NAGPA: variants seen among roughly 807,000 people sequenced by gnomAD.
NAGPA encodes the protein N-acetylglucosamine-1-phosphodiester alpha-N-acetylglucosaminidase.
NAGPA carries 56 observed loss-of-function variants against 48.5 expected under a neutral mutation model. That is an observed-to-expected ratio of 1.15 (90% CI 0.93 to 1.44). NAGPA has a LOEUF of 1.44. Ranked by LOEUF, NAGPA falls within the 40% of genes most tolerant of loss-of-function variation. The pLI, the probability that NAGPA is intolerant of heterozygous loss-of-function variation, is 0.00. For synonymous variants in NAGPA, 399 were observed against 315.5 expected (o/e 1.26, Z -2.81); for missense variants, 888 against 735.0 (o/e 1.21, Z -2.41).
Position 5,033,515 on chromosome 16 carries a change from G to A in NAGPA, c.300C>T (p.Pro100=), listed in dbSNP as rs1280918922. The part of the protein sequence containing the change: ...VAGHLTRAVE[P]LRTFSVLEPG... ...GCTCCAGCACCGAGAAGGTGCGCAG[G>A]GGCTCAACGGCCCGCGTCAGGTGGC... Residue 100 remains proline (P), a synonymous_variant, in exon 2 of 10, where the codon CCC becomes CCT. Coordinates refer to ENST00000312251, the MANE Select transcript of NAGPA (RefSeq NM_016256.4). This position sits in a 1 kb window ranked among gnomAD's most constrained non-coding sequence, Gnocchi z 4.2. The A allele has an allele frequency of 2.0e-6, 3 of 1,527,894 alleles. No individual in the cohort carries two copies. The highest frequency in any genetic ancestry group is 2.6e-6 in the Non-Finnish European group (3 of 1,146,906). 94.6% of individuals were successfully genotyped at this position (1,527,894 alleles called of 1,614,324 possible).
intron 7 of NAGPA, 122 bp downstream of exon 7, chr16:5,027,724 G>T: frequency 7.1e-7 from 1 of 1,405,906 alleles, no homozygotes; most frequent in Non-Finnish European, 9.7e-7. Context: ...GGTGAGGCCG[G>T]GGCAGAAGAC....
chr16:5,032,099 C>G (rs1437536822), intron 2 of NAGPA, among the ~76,000 whole-genome samples: 1 of 152,124 alleles, frequency 6.6e-6, no homozygotes, highest in Non-Finnish European at 1.5e-5. Flanking sequence ...ATACAATCCC[C>G]ACAAGCCTTT....
chr16:5,028,725 G>C (rs1956048259), intron 5 of NAGPA, 155 bp downstream of exon 5: 2 of 1,162,478 alleles, frequency 1.7e-6, no homozygotes, highest in East Asian at 4.7e-5. Flanking sequence ...CTAGGCCTGG[G>C]TAGTACTGGC....
At chr16:5,032,010 G>T in intron 2 of NAGPA, 126 bp from the exon 3 acceptor site, 1 of 1,296,854 alleles carries the variant, frequency 7.7e-7, no homozygotes, top group African/African-American at 1.5e-5. Flanking sequence ...ACCTCCTGGG[G>T]CCTGAGTGTA....
Position 5,025,046 on chromosome 16 carries a change from C to T in NAGPA, c.*432G>A, listed in dbSNP as rs1052608637. The T allele has an allele frequency of 4.7e-6, 1 of 211,978 alleles. No homozygotes were observed. The highest frequency in any genetic ancestry group is 9.6e-6 in the Non-Finnish European group (1 of 103,650). 13.1% of individuals were successfully genotyped at this position (211,978 alleles called of 1,614,324 possible). A position where few individuals can be genotyped will look rare whatever the true frequency, so the allele number is the denominator to read the frequency against. ...TGATGAGGTCTGTAGAAAAGGGGTC[C>T]CGTGTCACAGCCAGGAAGGCAGACT... On this transcript the variant is annotated 3_prime_UTR_variant, in exon 10 of 10. Coordinates refer to ENST00000312251, the MANE Select transcript of NAGPA (RefSeq NM_016256.4).
intron 2 of NAGPA, among the ~76,000 whole-genome samples, chr16:5,032,552 G>A (rs533462075): frequency 4.7e-4 from 71 of 151,432 alleles, no homozygotes; most frequent in African/African-American, 1.6e-3. Flanking sequence ...GGTGGCACAC[G>A]TCCGTAGTCC....
At chr16:5,031,577 A>T in intron 3 of NAGPA, 168 bp downstream of exon 3, 2 of 867,924 alleles carry the variant, frequency 2.3e-6, no homozygotes, top group Admixed American at 1.9e-5. Context: ...TTTTTGTCCT[A>T]TATATTCAAT....
Position 5,031,811 on chromosome 16 carries a change from T to G in NAGPA, c.616A>C (p.Ile206Leu), listed in dbSNP as rs772564903. 3.4e-5 allele frequency: 55 copies of G among 1,614,156 alleles called. No homozygotes were observed. Among genetic ancestry groups the G allele is most frequent in the Non-Finnish European group, 4.5e-5 (53 of 1,180,030 alleles). Residue 206 changes from isoleucine to leucine, a missense_variant, in exon 3 of 10, where the codon ATT (isoleucine) becomes CTT (leucine). Ile to Leu is a conservative substitution (Grantham distance 5, BLOSUM62 2). Coordinates refer to ENST00000312251, the MANE Select transcript of NAGPA (RefSeq NM_016256.4). ...VQLLSGVVWL[I>L]RNGSIYINES... ...TTGATGTAGATGCTTCCATTACGAA[T>G]CAGCCACACGACCCCACTCAGCAGC...
intron 3 of NAGPA, 95 bp downstream of exon 3, chr16:5,031,650 T>C: frequency 6.5e-7 from 1 of 1,536,342 alleles, no homozygotes; most frequent in Non-Finnish European, 9.0e-7. Context: ...ACAAAGTAGC[T>C]GCTCAATACT....
At chr16:5,032,951 G>A in intron 2 of NAGPA, 1 of 467,968 alleles carries the variant, frequency 2.1e-6, no homozygotes, top group African/African-American at 2.0e-5. Context: ...TGGTTGCTTT[G>A]CTGCACACAC....
intron 5 of NAGPA, 33 bp from the exon 6 acceptor site, chr16:5,028,218 A>AC (rs1956039264): frequency 6.6e-7 from 1 of 1,506,062 alleles, no homozygotes; most frequent in Non-Finnish European, 9.0e-7. Flanking sequence ...AGGAGAGGAC[A>AC]CCCCCAGACG....
chr16:5,028,195 G>T lies in NAGPA; in HGVS notation c.921-10C>A, dbSNP rs1333692442. ...CCACATGTTGTCCTGGCTGTAGAGG[G>T]ATGTGATGTGTGAGGAGAGGACACC... is the stretch of plus-strand genomic sequence containing the variant. On this transcript the variant is annotated splice_polypyrimidine_tract_variant and intron_variant, in intron 5 of 9. Transcript: ENST00000312251. 1.3e-6 allele frequency: 2 copies of T among 1,554,210 alleles called. No homozygotes were observed. The highest frequency in any genetic ancestry group is 1.2e-5 in the South Asian group (1 of 84,444).
At position 5,033,678 on chromosome 16, in the gene NAGPA, C is replaced by G; in HGVS notation, c.137G>C (p.Arg46Pro). 2 of 1,515,412 alleles carry G rather than the reference C, an allele frequency of 1.3e-6. No homozygotes were observed. The highest frequency in any genetic ancestry group is 1.4e-5 in the African/African-American group (1 of 72,236). 93.9% of individuals were successfully genotyped at this position (1,515,412 alleles called of 1,614,324 possible). A position where few individuals can be genotyped will look rare whatever the true frequency, so the allele number is the denominator to read the frequency against. Residue 46 changes from arginine to proline, a missense_variant, in exon 2 of 10, where the codon CGC becomes CCC. Physicochemically the swap from Arg to Pro is moderately radical, Grantham distance 103. Coordinates refer to ENST00000312251, the MANE Select transcript of NAGPA (RefSeq NM_016256.4). This position sits in a 1 kb window ranked among gnomAD's most constrained non-coding sequence, Gnocchi z 4.2. The part of the protein sequence containing the change: ...LLLPYPRARA[R>P]LPRDCTRVRA... ...CACCCGTGTGCAGTCCCGGGGGAGG[C>G]GCGCGCGCGCGCGTGGATAGGGCAG...
At chr16:5,028,641 T>G in intron 5 of NAGPA, 2 of 547,154 alleles carry the variant, frequency 3.7e-6, no homozygotes, top group Non-Finnish European at 6.5e-6. Flanking sequence ...CCCACCCAGC[T>G]ACCACCTCCT....
At chr16:5,028,682 A>C in intron 5 of NAGPA, 198 bp downstream of exon 5, 1 of 779,070 alleles carries the variant, frequency 1.3e-6, no homozygotes, top group South Asian at 1.5e-5. Flanking sequence ...TGTCATCCTC[A>C]GGGAGGTCTT....
rs1956150351 is a variant in NAGPA at position 5,033,727 on chromosome 16, C to T, written c.88G>A (p.Ala30Thr). The T allele has an allele frequency of 6.2e-7, 1 of 1,603,404 alleles. No individual in the cohort carries two copies. Among genetic ancestry groups the T allele is most frequent in the East Asian group, 2.2e-5 (1 of 44,650 alleles). ...WEASGGLDSG[A>T]SRDDDLLLPY... ...AGTAGCAAGTCGTCGTCGCGGGAGGCCCTGCGGGGACGGGCGGCCGTGAGC... is the reference window on the plus strand; with the variant it reads ...AGTAGCAAGTCGTCGTCGCGGGAGGTCCTGCGGGGACGGGCGGCCGTGAGC... Residue 30 changes from alanine to threonine, a missense_variant and splice_region_variant, in exon 2 of 10, where the codon GCC (alanine) becomes ACC (threonine). Physicochemically the swap from Ala to Thr is moderately conservative, Grantham distance 58 (BLOSUM62 0). Transcript: ENST00000312251. The surrounding 1 kb of genome is among the most constrained non-coding windows in gnomAD (Gnocchi z 4.2).
At chr16:5,031,526 C>A (rs962651237) in intron 3 of NAGPA, 2 of 621,640 alleles carry the variant, frequency 3.2e-6, no homozygotes, top group South Asian at 3.7e-5. Context: ...ATTTTTGTTT[C>A]TGAGCACTTA....
Position 5,033,908 on chromosome 16 carries a change from T to C in NAGPA, c.7A>G (p.Thr3Ala). ...AGGAGAAGCCAGCGACCCGTGGAGGTCGCCATATTGGACCGGGGCCTCGGG... is the reference window on the plus strand; with the variant it reads ...AGGAGAAGCCAGCGACCCGTGGAGGCCGCCATATTGGACCGGGGCCTCGGG... MA[T>A]STGRWLLLRL... The change falls in exon 1 of 10, where the codon ACC becomes GCC. Residue 3 changes from threonine to alanine, a missense_variant. Coordinates refer to ENST00000312251, the MANE Select transcript of NAGPA (RefSeq NM_016256.4). The surrounding 1 kb of genome is among the most constrained non-coding windows in gnomAD (Gnocchi z 4.2). The C allele has an allele frequency of 1.9e-6, 3 of 1,549,014 alleles. No homozygotes were observed. Among genetic ancestry groups the C allele is most frequent in the East Asian group, 2.4e-5 (1 of 40,916 alleles).
At chr16:5,031,981 T>C in intron 2 of NAGPA, 97 bp from the exon 3 acceptor site, 2 of 1,550,300 alleles carry the variant, frequency 1.3e-6, no homozygotes, top group African/African-American at 2.7e-5. Flanking sequence ...GCTGCTAGAT[T>C]CCCCCTCATG....
Sources: allele counts gnomAD v4.1 joint callset (sites outside exome capture counted in the v4.1 genomes callset), GRCh38; gene constraint gnomAD v4.1.1; non-coding constraint Gnocchi (gnomAD v3.1); transcripts MANE v1.5; gene names NCBI Gene and HGNC (gene_info 2026-07-23, HGNC 2026-07-21).